MARCHF1: variants seen among roughly 807,000 people sequenced by gnomAD.
MARCHF1 encodes E3 ubiquitin-protein ligase MARCHF1.
A neutral mutation model predicts 54.2 loss-of-function variants in MARCHF1; 40 were observed. That is an observed-to-expected ratio of 0.74 (90% CI 0.57 to 0.96). The LOEUF is 0.96. Among genes scored for constraint, MARCHF1 ranks in the 40% least tolerant of loss-of-function variants. The pLI, the probability that MARCHF1 is intolerant of heterozygous loss-of-function variation, is 0.00. For synonymous variants in MARCHF1, 236 were observed against 236.3 expected, an observed-to-expected ratio of 1.00 and a Z score of 0.01; for missense variants, 586 against 656.5, an observed-to-expected ratio of 0.89 and a Z score of 1.17.
At chr4:163,604,019 G>A (rs1479365495) in intron 7 of MARCHF1, among the ~76,000 whole-genome samples, 1 of 151,736 alleles carries the variant, frequency 6.6e-6, no homozygotes, top group Non-Finnish European at 1.5e-5. Flanking sequence ...CTGCCTTTTC[G>A]GCTGTTTTGT....
intron 3 of MARCHF1, among the ~76,000 whole-genome samples, chr4:163,892,614 T>A (rs977897758): frequency 1.3e-4 from 19 of 149,222 alleles, no homozygotes; most frequent in Middle Eastern, 3.4e-3. Flanking sequence ...AAAATAAAAA[T>A]AAAAAAATAA....
chr4:163,891,869 GTCTT>G (rs1434662414), intron 3 of MARCHF1, among the ~76,000 whole-genome samples: 34 of 152,146 alleles, frequency 2.2e-4, no homozygotes, highest in African/African-American at 8.2e-4. Context: ...TATGTGACGG[GTCTT>G]TCTTTTATTA....
chr4:164,118,961 C>T (rs999022009), intron 1 of MARCHF1, among the ~76,000 whole-genome samples: 13 of 120,756 alleles, frequency 1.1e-4, no homozygotes, highest in Admixed American at 3.2e-4. Flanking sequence ...AAATATAATA[C>T]GGGACTCTCC....
chr4:163,661,860 T>C (rs1743353385), intron 5 of MARCHF1, among the ~76,000 whole-genome samples: 1 of 152,102 alleles, frequency 6.6e-6, no homozygotes, highest in South Asian at 2.1e-4. Flanking sequence ...TTTATACAAA[T>C]CTAATTACAT....
At chr4:163,964,346 T>C (rs1752400421) in intron 3 of MARCHF1, among the ~76,000 whole-genome samples, 1 of 151,998 alleles carries the variant, frequency 6.6e-6, no homozygotes, top group African/African-American at 2.4e-5. Flanking sequence ...AAAACTAAGA[T>C]TCATTACTAT....
chr4:163,920,082 G>T (rs976251564), intron 3 of MARCHF1, among the ~76,000 whole-genome samples: 1 of 120,416 alleles, frequency 8.3e-6, no homozygotes. Flanking sequence ...TTTAGAATTA[G>T]GTAACCACGT....
rs189430377 is a variant in MARCHF1 at position 163,667,151 on chromosome 4, A to T, written c.162+33662T>A. ...GGCACATCATGAAGTTCTTTTTTTAAAAAAAAATTTATATTTTCAACTTTT... is the reference window on the plus strand; with the variant it reads ...GGCACATCATGAAGTTCTTTTTTTATAAAAAAATTTATATTTTCAACTTTT... On this transcript the variant is annotated intron_variant, in intron 5 of 9. Coordinates refer to ENST00000514618, the MANE Select transcript of MARCHF1 (RefSeq NM_001394959.1). 6.4e-3 allele frequency among the ~76,000 whole-genome samples: 966 copies of T among 152,048 alleles called. 12 individuals are homozygous for T. The highest frequency in any genetic ancestry group is 0.031 in the Middle Eastern group (9 of 294).
chr4:163,835,874 T>C (rs968794374), intron 4 of MARCHF1, among the ~76,000 whole-genome samples: 1 of 272 alleles, frequency 3.7e-3, no homozygotes, highest in African/African-American at 4.1e-3. Context: ...AATAGATTGT[T>C]TTTTTCTTTC....
intron 1 of MARCHF1, among the ~76,000 whole-genome samples, chr4:164,228,409 G>A (rs1732316902): frequency 6.6e-6 from 1 of 152,062 alleles, no homozygotes; most frequent in African/African-American, 2.4e-5. Context: ...CTTTATTCTT[G>A]GTTGATTATT....
chr4:163,936,024 G>A lies in MARCHF1; in HGVS notation c.-39+52477C>T, dbSNP rs116139853. 2.7e-3 allele frequency among the ~76,000 whole-genome samples: 405 copies of A among 152,156 alleles called. 1 individual carries two copies. The highest frequency in any genetic ancestry group is 9.4e-3 in the African/African-American group (390 of 41,508). ...TTCACTTGAACACTTAGTGGCTATC[G>A]TATGGTAATTAGTTGGCCTAATTTT... On this transcript the variant is annotated intron_variant, in intron 3 of 9. Transcript: ENST00000514618.
intron 1 of MARCHF1, among the ~76,000 whole-genome samples, chr4:164,367,150 T>C (rs1730901748): frequency 6.6e-6 from 1 of 152,110 alleles, no homozygotes; most frequent in Non-Finnish European, 1.5e-5. Flanking sequence ...ATTTCAAATA[T>C]AGACAGACTT....
At chr4:164,241,579 G>T (rs1732752661) in intron 1 of MARCHF1, among the ~76,000 whole-genome samples, 1 of 152,164 alleles carries the variant, frequency 6.6e-6, no homozygotes, top group Admixed American at 6.5e-5. Context: ...TTCCCAGAAA[G>T]CAGAACAGAG....
intron 4 of MARCHF1, among the ~76,000 whole-genome samples, chr4:163,763,389 T>A (rs1746883312): frequency 6.6e-6 from 1 of 152,108 alleles, no homozygotes; most frequent in Admixed American, 6.6e-5. Context: ...TTAATTTTAT[T>A]TACCAAGGTT....
intron 1 of MARCHF1, among the ~76,000 whole-genome samples, chr4:164,161,762 C>T (rs181204118): frequency 1.3e-5 from 2 of 152,264 alleles, no homozygotes; most frequent in East Asian, 3.9e-4. Context: ...TGGCTCCCAA[C>T]TGTCTAAACA....
At chr4:163,985,190 G>T (rs1285715275) in intron 3 of MARCHF1, among the ~76,000 whole-genome samples, 1 of 90,446 alleles carries the variant, frequency 1.1e-5, no homozygotes, top group Non-Finnish European at 2.4e-5. Context: ...CACTTCATAA[G>T]AAGTGAAGTG....
chr4:164,074,259 T>C (rs1314544665), intron 2 of MARCHF1, among the ~76,000 whole-genome samples: 1 of 152,144 alleles, frequency 6.6e-6, no homozygotes, highest in African/African-American at 2.4e-5. Flanking sequence ...CCTTTAAGAG[T>C]CTGACTGTCT....
In MARCHF1 at chr4:164,029,627, C is replaced by G. The variant is rs190408118; in HGVS notation, c.-247-40918G>C. Among the ~76,000 whole-genome samples, 11 of 152,100 alleles carry G rather than the reference C, an allele frequency of 7.2e-5. No homozygotes were observed. In the East Asian group the frequency reaches 1.4e-3, roughly 19 times the overall value. ...TTTTTCTTTTTGAGATGCAGTCTTG[C>G]TCTGTCACCCAGGCTGCAGTGCAGT... On this transcript the variant is annotated intron_variant, in intron 2 of 9. Coordinates refer to ENST00000514618, the MANE Select transcript of MARCHF1 (RefSeq NM_001394959.1).
intron 1 of MARCHF1, chr4:164,135,523 G>C (rs1296666028): frequency 1.3e-5 from 2 of 152,170 alleles, no homozygotes; most frequent in Non-Finnish European, 2.9e-5. Flanking sequence ...AGAAGAATGA[G>C]AGAAGTGCAG....
intron 1 of MARCHF1, among the ~76,000 whole-genome samples, chr4:164,180,484 T>G (rs947179311): frequency 6.6e-6 from 1 of 152,050 alleles, no homozygotes; most frequent in African/African-American, 2.4e-5. Context: ...TTGCATTGAC[T>G]GAAAATTATA....
Sources: allele counts gnomAD v4.1 joint callset (sites outside exome capture counted in the v4.1 genomes callset), GRCh38; gene constraint gnomAD v4.1.1; transcripts MANE v1.5; gene names NCBI Gene and HGNC (gene_info 2026-07-23, HGNC 2026-07-21).